Variants in CSMD1 observed in about 807,000 individuals in gnomAD.
The protein encoded by CSMD1 is CUB and sushi domain-containing protein 1.
Under a neutral mutation model 417.5 loss-of-function variants are expected in CSMD1, and 213 were observed. The ratio of observed to expected loss-of-function variants is 0.51; its 90% CI spans 0.46 to 0.57. The LOEUF (loss-of-function observed/expected upper bound fraction) is 0.57, where lower values mean the gene tolerates loss of function less well. CSMD1 is among the 20% of genes least tolerant of loss of function. CSMD1 has a pLI of 0.00. For synonymous variants in CSMD1, 2,862 were observed against 1,736.8 expected, an observed-to-expected ratio of 1.65 and a Z score of -16.11; for missense variants, 6,923 against 4,529.7, an observed-to-expected ratio of 1.53 and a Z score of -15.17.
chr8:3,153,207 C>G (rs1051512283), intron 39 of CSMD1, among the ~76,000 whole-genome samples: 2 of 152,158 alleles, frequency 1.3e-5, no homozygotes, highest in African/African-American at 4.8e-5. Flanking sequence ...CCCACCAGCA[C>G]CAAGACAGTT....
At chr8:4,318,506 G>A (rs1162786887) in intron 3 of CSMD1, among the ~76,000 whole-genome samples, 2 of 152,068 alleles carry the variant, frequency 1.3e-5, no homozygotes, top group East Asian at 1.9e-4. Context: ...CTACTCAACT[G>A]GCGAGAAAAC....
intron 2 of CSMD1, among the ~76,000 whole-genome samples, chr8:4,500,060 A>T (rs902147275): frequency 2.1e-5 from 3 of 145,464 alleles, no homozygotes; most frequent in African/African-American, 7.7e-5. Context: ...GGCTGGGAGA[A>T]TACAATGTGT....
chr8:4,632,880 C>A (rs934297279), intron 2 of CSMD1, among the ~76,000 whole-genome samples: 1 of 152,182 alleles, frequency 6.6e-6, no homozygotes, highest in Admixed American at 6.5e-5. Flanking sequence ...GGACAACATT[C>A]TCTTGTAAGG....
chr8:4,354,889 T>TGTGTGC (rs1801316831), intron 3 of CSMD1, among the ~76,000 whole-genome samples: 2 of 148,986 alleles, frequency 1.3e-5, no homozygotes, highest in South Asian at 4.2e-4. Context: ...TGTGTGTGTG[T>TGTGTGC]GTGTGTGTGT....
chr8:3,300,161 G>C (rs1386761592), intron 25 of CSMD1, among the ~76,000 whole-genome samples: 2 of 152,144 alleles, frequency 1.3e-5, no homozygotes, highest in East Asian at 1.9e-4. Flanking sequence ...TACAAATTTG[G>C]ATGTAAACAT....
At chr8:4,180,753 C>G (rs973795603) in intron 3 of CSMD1, among the ~76,000 whole-genome samples, 1 of 152,064 alleles carries the variant, frequency 6.6e-6, no homozygotes, top group African/African-American at 2.4e-5. Flanking sequence ...TGTTAGAATT[C>G]CTTCTTATCT....
chr8:3,748,356 C>G lies in CSMD1; in HGVS notation c.931+5574G>C, dbSNP rs1797159100. ...CAATACTTCATGCATCCATACCTAC[C>G]TAATAGTTCCCTCAAATACAAGATA... On this transcript the variant is annotated intron_variant, in intron 6 of 69. Transcript: ENST00000635120. Among the ~76,000 whole-genome samples, 3 of 151,920 alleles carry G rather than the reference C, an allele frequency of 2.0e-5. No homozygotes were observed. The South Asian group carries it at 6.2e-4, about 32-fold the overall frequency.
intron 26 of CSMD1, among the ~76,000 whole-genome samples, chr8:3,266,233 G>C (rs1424670565): frequency 6.6e-6 from 1 of 150,952 alleles, no homozygotes; most frequent in African/African-American, 2.4e-5. Context: ...GGGCTCCCGG[G>C]ATGATCATGA....
At chr8:4,412,872 A>C (rs915077472) in intron 3 of CSMD1, among the ~76,000 whole-genome samples, 1 of 152,218 alleles carries the variant, frequency 6.6e-6, no homozygotes, top group Non-Finnish European at 1.5e-5. Flanking sequence ...CAAGGAATTC[A>C]GAACAAGAAA....
chr8:4,545,104 G>C (rs948410494), intron 2 of CSMD1, among the ~76,000 whole-genome samples: 1 of 152,162 alleles, frequency 6.6e-6, no homozygotes, highest in Non-Finnish European at 1.5e-5. Flanking sequence ...ATGTTAAGAG[G>C]GGACATAGTA....
At position 4,953,623 on chromosome 8, in the gene CSMD1, T is replaced by C. The variant is rs1053831776; in HGVS notation, c.85+40709A>G. The stretch of plus-strand genomic sequence containing the variant: ...TTTAGTAAAGAAAAAAACTTGGCAA[T>C]ACTCATAGAAATACACAGAAGCAGT... On this transcript the variant is annotated intron_variant, in intron 1 of 69. Transcript: ENST00000635120. Among the ~76,000 whole-genome samples the C allele has an allele frequency of 6.6e-4, 101 of 152,262 alleles. 1 individual carries two copies. Among genetic ancestry groups the C allele is most frequent in the African/African-American group, 2.4e-3 (100 of 41,568 alleles).
intron 2 of CSMD1, among the ~76,000 whole-genome samples, chr8:4,483,828 T>C (rs1216587975): frequency 2.0e-5 from 3 of 152,190 alleles, no homozygotes; most frequent in East Asian, 1.9e-4. Context: ...TCAAAAACTC[T>C]AGAAAATAAC....
chr8:4,247,248 T>G (rs867822407), intron 3 of CSMD1, among the ~76,000 whole-genome samples: 1 of 152,174 alleles, frequency 6.6e-6, no homozygotes, highest in Non-Finnish European at 1.5e-5. Context: ...CAAGTAACTA[T>G]TGAGTACAAT....
chr8:4,229,816 C>T (rs761855678), intron 3 of CSMD1, among the ~76,000 whole-genome samples: 23 of 152,112 alleles, frequency 1.5e-4, no homozygotes, highest in African/African-American at 5.1e-4. Context: ...CCCTCACAAA[C>T]GTATGAATCC....
chr8:3,368,150 A>G (rs1809722312), intron 19 of CSMD1, among the ~76,000 whole-genome samples: 1 of 152,196 alleles, frequency 6.6e-6, no homozygotes, highest in South Asian at 2.1e-4. Context: ...TTGATCACTC[A>G]TAATCTGTGT....
At chr8:4,148,627 C>T (rs552006584) in intron 3 of CSMD1, among the ~76,000 whole-genome samples, 1 of 152,232 alleles carries the variant, frequency 6.6e-6, no homozygotes, top group African/African-American at 2.4e-5. Flanking sequence ...ACAGTAGCTG[C>T]TCCTGGAATC....
chr8:4,083,344 T>C (rs1209967205), intron 3 of CSMD1, among the ~76,000 whole-genome samples: 1 of 152,196 alleles, frequency 6.6e-6, no homozygotes, highest in Non-Finnish European at 1.5e-5. Context: ...GAGGTTTTGA[T>C]TTGCATTTCT....
intron 12 of CSMD1, among the ~76,000 whole-genome samples, chr8:3,467,348 G>T (rs112551656): frequency 1.3e-5 from 2 of 152,124 alleles, no homozygotes; most frequent in African/African-American, 4.8e-5. Context: ...GATGATTTCA[G>T]ATTCTACCAA....
At chr8:4,685,805 T>G (rs1018754697) in intron 1 of CSMD1, among the ~76,000 whole-genome samples, 3 of 151,970 alleles carry the variant, frequency 2.0e-5, no homozygotes, top group African/African-American at 4.8e-5. Flanking sequence ...GTAATTGGAG[T>G]TTTTGCCATT....
Sources: gnomAD v4.1 joint callset for allele counts (sites outside exome capture counted in the v4.1 genomes callset) on GRCh38, gnomAD v4.1.1 for gene constraint, MANE v1.5 for transcripts, NCBI Gene and HGNC (gene_info 2026-07-23, HGNC 2026-07-21) for gene names.